The following FHIP1A variants were observed in gnomAD, a reference collection of about 807,000 sequenced individuals.
The protein encoded by FHIP1A is FHF complex subunit HOOK-interacting protein 1A.
In FHIP1A, 61 loss-of-function variants were observed where a neutral mutation model predicts 88.6. The observed-to-expected ratio is 0.69, with a 90% CI of 0.56 to 0.85. FHIP1A has a LOEUF of 0.85. Ranked by LOEUF, FHIP1A falls within the 40% of genes least tolerant of loss-of-function variation. FHIP1A has a pLI of 0.00. For synonymous variants in FHIP1A, 478 were observed against 496.0 expected, an observed-to-expected ratio of 0.96 and a Z score of 0.48; for missense variants, 1,154 against 1,273.5, an observed-to-expected ratio of 0.91 and a Z score of 1.43.
intron 3 of FHIP1A, among the ~76,000 whole-genome samples, chr4:151,549,975 A>T (rs1049481470): frequency 1.3e-5 from 2 of 152,186 alleles, no homozygotes; most frequent in African/African-American, 4.8e-5. Flanking sequence ...TAATCAGAAG[A>T]CTTGAAAAAT....
chr4:151,523,859 T>C (rs1256833348), intron 3 of FHIP1A, among the ~76,000 whole-genome samples: 1 of 152,218 alleles, frequency 6.6e-6, no homozygotes, highest in Non-Finnish European at 1.5e-5. Context: ...GAAAGCTTAA[T>C]TGACATAAGT....
intron 7 of FHIP1A, among the ~76,000 whole-genome samples, chr4:151,595,340 G>A (rs1734606446): frequency 6.6e-6 from 1 of 152,208 alleles, no homozygotes; most frequent in South Asian, 2.1e-4. Context: ...GTGGTTTTGA[G>A]TGAGTTTCTT....
At position 151,665,596 on chromosome 4, in the gene FHIP1A, G is replaced by A. The variant is rs1196201261; in HGVS notation, c.*2842G>A. Among the ~76,000 whole-genome samples the A allele has an allele frequency of 6.6e-6, 1 of 152,154 alleles. No individual in the cohort carries two copies. The highest frequency in any genetic ancestry group is 1.5e-5 in the Non-Finnish European group (1 of 68,032). On this transcript the variant is annotated 3_prime_UTR_variant, in exon 14 of 14. Coordinates refer to ENST00000435205, the MANE Select transcript of FHIP1A (RefSeq NM_001109977.3). ...TGCCAAAGAAAAACAGCAGAGAACT[G>A]AGTCTATCCACGGGAGAAGAGCAAA... is the stretch of plus-strand genomic sequence containing the variant.
intron 2 of FHIP1A, among the ~76,000 whole-genome samples, chr4:151,475,669 CCA>C (rs1482316430): frequency 1.3e-5 from 2 of 151,966 alleles, no homozygotes; most frequent in South Asian, 4.2e-4. Context: ...GTAGTAGTGC[CCA>C]GTTTGTGGGG....
At chr4:151,619,194 T>A (rs544529199) in intron 7 of FHIP1A, among the ~76,000 whole-genome samples, 2 of 152,348 alleles carry the variant, frequency 1.3e-5, no homozygotes, top group South Asian at 4.1e-4. Flanking sequence ...ATTTAACTAT[T>A]GTACAAAAAT....
At chr4:151,414,212 G>A (rs550454226) in intron 1 of FHIP1A, among the ~76,000 whole-genome samples, 1 of 151,864 alleles carries the variant, frequency 6.6e-6, no homozygotes, top group East Asian at 1.9e-4. Flanking sequence ...CACCATGCCC[G>A]GCTAAGTTTT....
Position 151,660,116 on chromosome 4 carries a change from C to T in FHIP1A, c.2870-2385C>T, listed in dbSNP as rs546530650. Among the ~76,000 whole-genome samples, 10 of 152,270 alleles carry T rather than the reference C, an allele frequency of 6.6e-5. 1 individual carries two copies. In the East Asian group the frequency reaches 1.9e-3, roughly 29 times the overall value. On this transcript the variant is annotated intron_variant, in intron 13 of 13. Coordinates refer to ENST00000435205, the MANE Select transcript of FHIP1A (RefSeq NM_001109977.3). ...TGGTGGCCAGGTAGGGACCATAACT[C>T]GGGTCTGCTTGCTTTTGAATGGAGA...
At chr4:151,615,522 A>G (rs576695924) in intron 7 of FHIP1A, among the ~76,000 whole-genome samples, 1 of 152,326 alleles carries the variant, frequency 6.6e-6, no homozygotes, top group East Asian at 1.9e-4. Context: ...TAGTGGTAGT[A>G]ATTGATGATA....
chr4:151,616,541 C>T (rs1271668985), intron 7 of FHIP1A, among the ~76,000 whole-genome samples: 10 of 149,492 alleles, frequency 6.7e-5, no homozygotes, highest in South Asian at 2.2e-4. Context: ...CTCCGCCTCC[C>T]GGGTTCACGC....
intron 3 of FHIP1A, among the ~76,000 whole-genome samples, chr4:151,557,638 A>G (rs748966522): frequency 2.0e-5 from 3 of 152,348 alleles, no homozygotes; most frequent in Non-Finnish European, 4.4e-5. Context: ...ATTCCTCCCC[A>G]TAGAGACAGC....
At chr4:151,611,584 A>G (rs1735326362) in intron 7 of FHIP1A, among the ~76,000 whole-genome samples, 1 of 152,236 alleles carries the variant, frequency 6.6e-6, no homozygotes, top group South Asian at 2.1e-4. Flanking sequence ...AAGACATCAA[A>G]CTTTCTGACT....
chr4:151,468,696 A>T (rs1457844293), intron 2 of FHIP1A, among the ~76,000 whole-genome samples: 2 of 152,156 alleles, frequency 1.3e-5, no homozygotes, highest in Admixed American at 6.5e-5. Context: ...CCTTAGTTGG[A>T]AGGCTGGTCA....
In FHIP1A at chr4:151,665,359, G is replaced by A. The variant is rs1183453502; in HGVS notation, c.*2605G>A. 1.3e-5 allele frequency among the ~76,000 whole-genome samples: 2 copies of A among 152,216 alleles called. No homozygotes were observed. Among genetic ancestry groups the A allele is most frequent in the African/African-American group, 2.4e-5 (1 of 41,454 alleles). On this transcript the variant is annotated 3_prime_UTR_variant, in exon 14 of 14. Transcript: ENST00000435205. Reference sequence around the variant, plus strand: ...GGAGAATGTAACTTCCCATGCTGGGGTGCTGGCAGCAAACTCACACGATAA... The same window carrying A: ...GGAGAATGTAACTTCCCATGCTGGGATGCTGGCAGCAAACTCACACGATAA...
chr4:151,662,430 C>G, intron 13 of FHIP1A, 71 bp from the exon 14 acceptor site: 1 of 1,434,346 alleles, frequency 7.0e-7, no homozygotes, highest in Non-Finnish European at 9.2e-7. Context: ...CCCCCAAACA[C>G]ATGCTTCACT....
intron 1 of FHIP1A, among the ~76,000 whole-genome samples, chr4:151,432,734 A>G (rs1733640623): frequency 6.6e-6 from 1 of 152,174 alleles, no homozygotes; most frequent in Non-Finnish European, 1.5e-5. Flanking sequence ...CTGAGGGATG[A>G]CTAGGCACTG....
At chr4:151,581,112 C>G (rs777089451) in intron 5 of FHIP1A, among the ~76,000 whole-genome samples, 4 of 152,188 alleles carry the variant, frequency 2.6e-5, no homozygotes, top group African/African-American at 9.7e-5. Context: ...GCCCGCCCAG[C>G]CTCCCAAAAT....
At chr4:151,506,247 A>C (rs557768094) in intron 3 of FHIP1A, among the ~76,000 whole-genome samples, 1 of 152,266 alleles carries the variant, frequency 6.6e-6, no homozygotes, top group African/African-American at 2.4e-5. Flanking sequence ...GTGAGTAGGA[A>C]GAGAAGGGCC....
chr4:151,549,564 C>G (rs1732643786), intron 3 of FHIP1A, among the ~76,000 whole-genome samples: 1 of 151,654 alleles, frequency 6.6e-6, no homozygotes, highest in Non-Finnish European at 1.5e-5. Context: ...CTGGGAATTA[C>G]CCATGCCTTT....
At chr4:151,507,951 T>C (rs1004191834) in intron 3 of FHIP1A, among the ~76,000 whole-genome samples, 2 of 152,254 alleles carry the variant, frequency 1.3e-5, no homozygotes, top group African/African-American at 4.8e-5. Flanking sequence ...AGAGTCTCTT[T>C]CTTGACGCAT....
Sources: allele counts gnomAD v4.1 joint callset (sites outside exome capture counted in the v4.1 genomes callset), GRCh38; gene constraint gnomAD v4.1.1; transcripts MANE v1.5; gene names NCBI Gene and HGNC (gene_info 2026-07-23, HGNC 2026-07-21).